Variants in TTF1 observed in about 807,000 individuals in gnomAD.
The protein encoded by TTF1 is transcription termination factor, RNA polymerase I.
In TTF1, 64 loss-of-function variants were observed where a neutral mutation model predicts 80.2. The ratio of observed to expected loss-of-function variants is 0.80; its 90% CI spans 0.65 to 0.98. The LOEUF (loss-of-function observed/expected upper bound fraction) is 0.98. Among genes scored for constraint, TTF1 ranks in the 50% least tolerant of loss-of-function variants. TTF1 has a pLI of 0.00. For missense variants in TTF1, 1,023 were observed against 1,086.2 expected (o/e 0.94, Z 0.82); for synonymous variants, 372 against 382.7 (o/e 0.97, Z 0.33).
chr9:132,397,909 C>T (rs1453810794), intron 4 of TTF1, among the ~76,000 whole-genome samples: 3 of 152,058 alleles, frequency 2.0e-5, no homozygotes, highest in Non-Finnish European at 4.4e-5. Context: ...TCACTTGAAC[C>T]CCAGAGGTGG....
chr9:132,384,322 C>T lies in TTF1; in HGVS notation c.2378+2234G>A, dbSNP rs1385284772. ...GAAAAATGGAAAATGAGCTAAGAAC[C>T]CATCTCAAGAAGTTGAAGAACAGCA... On this transcript the variant is annotated intron_variant, in intron 9 of 10. Transcript: ENST00000334270. This position sits in a 1 kb window ranked among gnomAD's most constrained non-coding sequence, Gnocchi z 4.1. 6.6e-6 allele frequency among the ~76,000 whole-genome samples: 1 copy of T among 152,054 alleles called. No individual in the cohort carries two copies. The highest frequency in any genetic ancestry group is 1.5e-5 in the Non-Finnish European group (1 of 68,004).
At chr9:132,400,420 T>A (rs2131648648) in intron 2 of TTF1, among the ~76,000 whole-genome samples, 162 bp from the exon 3 acceptor site, 1 of 152,318 alleles carries the variant, frequency 6.6e-6, no homozygotes, top group Admixed American at 6.5e-5. Context: ...GCCTCCCGGT[T>A]CAAGCGATTC....
chr9:132,393,604 G>T (rs1428600537), intron 5 of TTF1, among the ~76,000 whole-genome samples: 1 of 152,166 alleles, frequency 6.6e-6, no homozygotes, highest in Non-Finnish European at 1.5e-5. Flanking sequence ...ATAAATACGT[G>T]GGTAAATCTC....
chr9:132,405,046 A>C (rs937844787), intron 1 of TTF1, among the ~76,000 whole-genome samples: 4 of 150,382 alleles, frequency 2.7e-5, no homozygotes, highest in Non-Finnish European at 1.5e-5. Flanking sequence ...CCACGACGCC[A>C]GGCTAATTTT....
intron 5 of TTF1, among the ~76,000 whole-genome samples, 175 bp downstream of exon 5, chr9:132,396,258 G>A (rs948107155): frequency 2.6e-5 from 4 of 152,206 alleles, no homozygotes; most frequent in African/African-American, 9.7e-5. Flanking sequence ...CACTAAAGAG[G>A]TGGGGATGGA....
At chr9:132,388,293 T>C (rs879663018) in intron 7 of TTF1, 65 bp from the exon 8 acceptor site, 64 of 1,188,012 alleles carry the variant, frequency 5.4e-5, no homozygotes, top group Non-Finnish European at 7.5e-5. Context: ...AAATATCCTA[T>C]ATTTTTCTTA....
At chr9:132,394,556 T>C (rs1311622876) in intron 5 of TTF1, among the ~76,000 whole-genome samples, 1 of 152,062 alleles carries the variant, frequency 6.6e-6, no homozygotes, top group African/African-American at 2.4e-5. Flanking sequence ...CTGGGAATTA[T>C]AGGTGTGAGC....
intron 10 of TTF1, among the ~76,000 whole-genome samples, chr9:132,378,038 TGTGTGTGAATGCATGTG>T (rs1184434928): frequency 1.1e-4 from 13 of 118,660 alleles, no homozygotes; most frequent in Non-Finnish European, 1.9e-4. Flanking sequence ...GCATGTGGTG[TGTGTGTGAATGCATGTG>T]GTGTGTGAGT....
intron 10 of TTF1, among the ~76,000 whole-genome samples, chr9:132,377,925 TG>T (rs1260792360): frequency 8.8e-6 from 1 of 113,448 alleles, no homozygotes; most frequent in Admixed American, 1.0e-4. Context: ...TGTGAGTGCA[TG>T]TGGTGCGTGT....
chr9:132,404,635 G>C (rs1849829843), intron 1 of TTF1, among the ~76,000 whole-genome samples: 1 of 151,658 alleles, frequency 6.6e-6, no homozygotes, highest in African/African-American at 2.4e-5. Flanking sequence ...TAACCCTAAA[G>C]TCTCATCCAG....
At chr9:132,378,005 G>A (rs866451137) in intron 10 of TTF1, among the ~76,000 whole-genome samples, 12 of 130,784 alleles carry the variant, frequency 9.2e-5, no homozygotes, top group South Asian at 5.0e-4. Flanking sequence ...CATGTGGTGC[G>A]TGTGAATGCA....
At chr9:132,392,856 A>C (rs1163262679) in intron 5 of TTF1, among the ~76,000 whole-genome samples, 1 of 152,222 alleles carries the variant, frequency 6.6e-6, no homozygotes, top group African/African-American at 2.4e-5. Context: ...AAAATAATAT[A>C]TTTCATTGAA....
Position 132,401,681 on chromosome 9 carries a change from C to T in TTF1, c.1141G>A (p.Glu381Lys). Residue 381 changes from glutamate (E) to lysine (K), a missense_variant, in exon 2 of 11, where the codon GAA (glutamate) becomes AAA (lysine). Physicochemically the swap from Glu to Lys is moderately conservative, Grantham distance 56. Coordinates refer to ENST00000334270, the MANE Select transcript of TTF1 (RefSeq NM_007344.4). ...EGSTALKGFK[E>K]SNSTKKKSKK... The stretch of plus-strand genomic sequence containing the variant: ...GACTTCTTCTTTGTACTGTTGGATT[C>T]CTTGAACCCTTTAAGAGCTGTACTG... 1 of 1,614,210 alleles carries T rather than the reference C, an allele frequency of 6.2e-7. No homozygotes were observed. The highest frequency in any genetic ancestry group is 8.5e-7 in the Non-Finnish European group (1 of 1,180,036).
Position 132,399,083 on chromosome 9 carries a change from C to T in TTF1, c.1592-757G>A, listed in dbSNP as rs150760293. 3.1e-3 allele frequency among the ~76,000 whole-genome samples: 474 copies of T among 151,600 alleles called. 2 individuals carry two copies. The highest frequency in any genetic ancestry group is 0.011 in the African/African-American group (460 of 41,338). On this transcript the variant is annotated intron_variant, in intron 3 of 10. Transcript: ENST00000334270. ...GCTTGGTGGCAGGCGCCTGTAGTCC[C>T]AGCTACTTGGGAGGCTGAGGTGGGA... is the stretch of plus-strand genomic sequence containing the variant.
At position 132,402,005 on chromosome 9, in the gene TTF1, T is replaced by C; in HGVS notation, c.817A>G (p.Lys273Glu). 6.2e-7 allele frequency: 1 copy of C among 1,614,034 alleles called. No individual in the cohort carries two copies. Among genetic ancestry groups the C allele is most frequent in the Non-Finnish European group, 8.5e-7 (1 of 1,180,008 alleles). Reference protein sequence around the residue: ...TPQLLGPTHKKKSKKKKKKKS... With the variant: ...TPQLLGPTHKEKSKKKKKKKS... ...TTCTTCTTTTTTTTCTTAGACTTTT[T>C]TTTGTGAGTAGGTCCTAGTAGTTGT... is the stretch of plus-strand genomic sequence containing the variant. The change falls in exon 2 of 11, where the codon AAA (lysine) becomes GAA (glutamate). Residue 273 changes from lysine to glutamate, a missense_variant. Coordinates refer to ENST00000334270, the MANE Select transcript of TTF1 (RefSeq NM_007344.4).
chr9:132,396,331 G>A (rs2131642060), intron 5 of TTF1, 102 bp downstream of exon 5: 1 of 1,194,052 alleles, frequency 8.4e-7, no homozygotes, highest in East Asian at 2.4e-5. Flanking sequence ...ACACAAATCT[G>A]CGTTATCTTT....
intron 9 of TTF1, among the ~76,000 whole-genome samples, chr9:132,383,526 C>A (rs754902836): frequency 6.6e-6 from 1 of 152,122 alleles, no homozygotes; most frequent in South Asian, 2.1e-4. Flanking sequence ...ATAAAGTGAA[C>A]GTAGCAGAAT....
intron 4 of TTF1, among the ~76,000 whole-genome samples, chr9:132,397,878 C>T (rs549065449): frequency 3.0e-4 from 46 of 151,936 alleles, no homozygotes; most frequent in African/African-American, 9.9e-4. Context: ...CCCAGCTACT[C>T]AGGAGGCTGA....
chr9:132,396,690 G>A (rs1317839825), intron 4 of TTF1, among the ~76,000 whole-genome samples, 179 bp from the exon 5 acceptor site: 6 of 147,054 alleles, frequency 4.1e-5, no homozygotes, highest in Non-Finnish European at 7.5e-5. Context: ...TTTTTTTTGA[G>A]AGAGTCTCAC....
Sources: allele counts gnomAD v4.1 joint callset (sites outside exome capture counted in the v4.1 genomes callset), GRCh38; gene constraint gnomAD v4.1.1; non-coding constraint Gnocchi (gnomAD v3.1); transcripts MANE v1.5; gene names NCBI Gene and HGNC (gene_info 2026-07-23, HGNC 2026-07-21).